The following BTBD9 variants were observed in gnomAD, a reference collection of about 807,000 sequenced individuals.
BTBD9 encodes BTB/POZ domain-containing protein 9.
Under a neutral mutation model 64.3 loss-of-function variants are expected in BTBD9, and 49 were observed. The ratio of observed to expected loss-of-function variants is 0.76; its 90% CI spans 0.61 to 0.97. BTBD9 has a LOEUF of 0.97. BTBD9 is among the 50% of genes least tolerant of loss of function. BTBD9 has a pLI of 0.00. For missense variants in BTBD9, 598 were observed against 762.1 expected (o/e 0.78, Z 2.53); for synonymous variants, 260 against 274.7 (o/e 0.95, Z 0.53).
chr6:38,592,829 TAA>T lies in BTBD9; in HGVS notation c.559_560del (p.Leu187LysfsTer24). ...GFLSLSKTALLNIVLRDSFAA... is the reference protein window; with the variant it reads ...GFLSLSKTALXNIVLRDSFAA... ...CAAATGAGTCTCTTAACACGATGTTTAAAAGTGCTGTCTGAAAAGGATAAAAA... is the reference window on the plus strand; with the variant it reads ...CAAATGAGTCTCTTAACACGATGTTTAAGTGCTGTCTGAAAAGGATAAAAA... On this transcript the variant is annotated frameshift_variant, in exon 4 of 11. Transcript: ENST00000481247. LOFTEE classifies it high-confidence loss of function. 6.2e-7 allele frequency: 1 copy of T among 1,613,958 alleles called. No homozygotes were observed. Among genetic ancestry groups the T allele is most frequent in the Non-Finnish European group, 8.5e-7 (1 of 1,179,842 alleles).
At chr6:38,587,387 C>T in intron 4 of BTBD9, 1 of 482,284 alleles carries the variant, frequency 2.1e-6, no homozygotes, top group Non-Finnish European at 4.1e-6. Context: ...GAGGATATTC[C>T]AAAAATTCCT....
intron 1 of BTBD9, among the ~76,000 whole-genome samples, chr6:38,619,632 A>G (rs1777919406): frequency 6.6e-6 from 1 of 152,138 alleles, no homozygotes. Context: ...GCACCAGCTC[A>G]TGTCATCACA....
chr6:38,431,950 G>A (rs1768462580), intron 6 of BTBD9, among the ~76,000 whole-genome samples: 1 of 151,872 alleles, frequency 6.6e-6, no homozygotes, highest in Non-Finnish European at 1.5e-5. Flanking sequence ...TGGAAATCTG[G>A]TACCTGGTCC....
At chr6:38,349,383 GGTTGTCTTGGAGAGTACA>G (rs1359294849) in intron 6 of BTBD9, among the ~76,000 whole-genome samples, 2 of 152,132 alleles carry the variant, frequency 1.3e-5, no homozygotes, top group Non-Finnish European at 2.9e-5. Context: ...TGAGAATGCT[GGTTGTCTTGGAGAGTACA>G]GTAGTTAGTC....
chr6:38,623,043 C>T (rs923714713), intron 1 of BTBD9, among the ~76,000 whole-genome samples: 2 of 152,308 alleles, frequency 1.3e-5, no homozygotes, highest in Non-Finnish European at 2.9e-5. Flanking sequence ...CCCAACACCC[C>T]TTTCCAGCCA....
chr6:38,613,615 G>A (rs1006304872), intron 1 of BTBD9, among the ~76,000 whole-genome samples: 2 of 151,632 alleles, frequency 1.3e-5, no homozygotes, highest in Non-Finnish European at 2.9e-5. Context: ...GACAGAGTGA[G>A]ACTTTATCTT....
intron 6 of BTBD9, among the ~76,000 whole-genome samples, chr6:38,561,340 T>C (rs549190036): frequency 6.6e-6 from 1 of 152,284 alleles, no homozygotes; most frequent in African/African-American, 2.4e-5. Context: ...AAGGATTATA[T>C]ACTGTTGATG....
intron 6 of BTBD9, among the ~76,000 whole-genome samples, chr6:38,563,316 A>G (rs933897671): frequency 6.6e-6 from 1 of 152,136 alleles, no homozygotes; most frequent in African/African-American, 2.4e-5. Context: ...GTATCTAACA[A>G]TGCTCCCTGG....
chr6:38,398,381 T>C (rs1766780512), intron 6 of BTBD9, among the ~76,000 whole-genome samples: 1 of 152,136 alleles, frequency 6.6e-6, no homozygotes, highest in African/African-American at 2.4e-5. Context: ...GATAACTGTG[T>C]GCATGGCAAG....
intron 9 of BTBD9, among the ~76,000 whole-genome samples, chr6:38,229,066 TG>T (rs1209091285): frequency 6.6e-6 from 1 of 150,894 alleles, no homozygotes; most frequent in Non-Finnish European, 1.5e-5. Flanking sequence ...GGCATGATGA[TG>T]GGTGCCTGTA....
chr6:38,361,584 T>C (rs997632475), intron 6 of BTBD9, among the ~76,000 whole-genome samples: 2 of 152,070 alleles, frequency 1.3e-5, no homozygotes, highest in African/African-American at 4.8e-5. Flanking sequence ...CTCATGCCTG[T>C]AATCCCAGCA....
intron 6 of BTBD9, among the ~76,000 whole-genome samples, chr6:38,433,445 T>A (rs2127298010): frequency 6.6e-6 from 1 of 152,038 alleles, no homozygotes; most frequent in South Asian, 2.1e-4. Flanking sequence ...ACCATTGTGA[T>A]TTGTTCCTGC....
intron 7 of BTBD9, among the ~76,000 whole-genome samples, chr6:38,330,053 CTTTTT>C (rs147264863): frequency 6.7e-6 from 1 of 150,326 alleles, no homozygotes; most frequent in African/African-American, 2.4e-5. Flanking sequence ...TTTTTCTTTT[CTTTTT>C]TTTTGTTTTA....
chr6:38,478,865 T>C (rs563763688), intron 6 of BTBD9, among the ~76,000 whole-genome samples: 1 of 152,302 alleles, frequency 6.6e-6, no homozygotes, highest in South Asian at 2.1e-4. Flanking sequence ...AAAATTCCAT[T>C]TCACTTTTAT....
At chr6:38,293,795 G>A (rs975427235) in intron 7 of BTBD9, among the ~76,000 whole-genome samples, 19 of 152,098 alleles carry the variant, frequency 1.2e-4, no homozygotes, top group African/African-American at 4.6e-4. Flanking sequence ...AAAAACAATG[G>A]CAACAAAAGC....
rs548302654 is a variant in BTBD9 at position 38,344,202 on chromosome 6, G to GA, written c.1264+781dup. Among the ~76,000 whole-genome samples the GA allele has an allele frequency of 3.8e-3, 567 of 151,154 alleles. 1 individual carries two copies. The highest frequency in any genetic ancestry group is 6.1e-3 in the South Asian group (29 of 4,768). ...TGAGTGAAAACCTATGGGCATGGGG[G>GA]AAAAAAAAGCAGAATAAACAGTCTG... On this transcript the variant is annotated intron_variant, in intron 7 of 10. Transcript: ENST00000481247.
intron 1 of BTBD9, among the ~76,000 whole-genome samples, chr6:38,636,534 G>C (rs1424888876): frequency 1.3e-5 from 2 of 152,022 alleles, no homozygotes; most frequent in Non-Finnish European, 2.9e-5. Flanking sequence ...TATTATCTTT[G>C]ACTTCTCACT....
In BTBD9 at chr6:38,365,274, TTAAC is replaced by T. The variant is rs1456690458; in HGVS notation, c.1155-20185_1155-20182del. Among the ~76,000 whole-genome samples the T allele has an allele frequency of 3.3e-5, 5 of 152,180 alleles. No homozygotes were observed. The South Asian group carries it at 6.2e-4, about 19-fold the overall frequency. ...GTAAAGTGAGGCATAACCAGAGTGT[TTAAC>T]TAACTCATTCAAGCTCACAAGCTGG... On this transcript the variant is annotated intron_variant, in intron 6 of 10. Transcript: ENST00000481247.
At chr6:38,587,689 G>C (rs1454844417) in intron 4 of BTBD9, 1 of 627,566 alleles carries the variant, frequency 1.6e-6, no homozygotes, top group African/African-American at 1.8e-5. Context: ...TCACTTATTG[G>C]ATAGCTTGGA....
Sources: gnomAD v4.1 joint callset for allele counts (sites outside exome capture counted in the v4.1 genomes callset) on GRCh38, gnomAD v4.1.1 for gene constraint, MANE v1.5 for transcripts, NCBI Gene and HGNC (gene_info 2026-07-23, HGNC 2026-07-21) for gene names.